Variants in CDON observed in about 807,000 individuals in gnomAD.
CDON encodes cell adhesion molecule-related/down-regulated by oncogenes.
Under a neutral mutation model 120.9 loss-of-function variants are expected in CDON, and 73 were observed. The observed-to-expected ratio is 0.60, with a 90% CI of 0.50 to 0.73. The LOEUF (loss-of-function observed/expected upper bound fraction) is 0.73. Ranked by LOEUF, CDON falls within the 30% of genes least tolerant of loss-of-function variation. The probability of loss-of-function intolerance (pLI) is 0.00; values close to 1 mark genes in which losing one functional copy is unlikely to be tolerated. For synonymous variants in CDON, 566 were observed against 573.5 expected (o/e 0.99, Z 0.19); for missense variants, 1,470 against 1,587.3 (o/e 0.93, Z 1.26).
chr11:126,056,310 TCAACGCTCC>T, intron 1 of CDON, among the ~76,000 whole-genome samples: 1 of 152,350 alleles, frequency 6.6e-6, no homozygotes, highest in Non-Finnish European at 1.5e-5. Flanking sequence ...TATCACTATT[TCAACGCTCC>T]CAACCCCCAA....
In CDON at chr11:125,977,360, G is replaced by A. The variant is rs576082741; in HGVS notation, c.3356+944C>T. ...GGAACAACGTATTTTTAATTTGATG[G>A]TTGGCCTGATCCTTCTTCAAGTTCT... On this transcript the variant is annotated intron_variant, in intron 18 of 19. Coordinates refer to ENST00000531738, the MANE Select transcript of CDON (RefSeq NM_001378964.1). Among the ~76,000 whole-genome samples the A allele has an allele frequency of 3.3e-5, 5 of 152,300 alleles. No individual in the cohort carries two copies. In the East Asian group the frequency reaches 9.6e-4, roughly 29 times the overall value.
In CDON at chr11:126,029,342, C is replaced by T. The variant is rs373711802; in HGVS notation, c.-61-5805G>A. Among the ~76,000 whole-genome samples, 5 of 152,124 alleles carry T rather than the reference C, an allele frequency of 3.3e-5. No homozygotes were observed. In the South Asian group the frequency reaches 6.2e-4, roughly 19 times the overall value. ...AAAAAACAACGTGGACACAAAATCT[C>T]GCTTTTTACCCATAATCTATTATAT... is the stretch of plus-strand genomic sequence containing the variant. On this transcript the variant is annotated intron_variant, in intron 1 of 19. Coordinates refer to ENST00000531738, the MANE Select transcript of CDON (RefSeq NM_001378964.1).
At position 126,043,692 on chromosome 11, in the gene CDON, C is replaced by T. The variant is rs138539594; in HGVS notation, c.-62+18887G>A. ...GGGCAACCCCAGGCCTAAGCCTTCC[C>T]GCGCCATACACAGCTTCCTAAGCAA... On this transcript the variant is annotated intron_variant, in intron 1 of 19. Transcript: ENST00000531738. 9.8e-5 allele frequency among the ~76,000 whole-genome samples: 15 copies of T among 152,310 alleles called. No individual in the cohort carries two copies. The East Asian group carries it at 1.5e-3, about 16-fold the overall frequency.
chr11:126,013,975 C>T (rs1326765991), intron 7 of CDON, among the ~76,000 whole-genome samples: 2 of 152,028 alleles, frequency 1.3e-5, no homozygotes, highest in Admixed American at 1.3e-4. Context: ...CATTATCATC[C>T]AGTTCAAAGT....
intron 7 of CDON, among the ~76,000 whole-genome samples, chr11:126,013,944 A>G (rs1316506734): frequency 6.6e-6 from 1 of 152,124 alleles, no homozygotes; most frequent in East Asian, 1.9e-4. Flanking sequence ...TGTCTCTTAC[A>G]AAACTGATCT....
intron 1 of CDON, among the ~76,000 whole-genome samples, chr11:126,056,708 C>T (rs1338926476): frequency 6.6e-6 from 1 of 152,158 alleles, no homozygotes; most frequent in East Asian, 1.9e-4. Context: ...AGAATTTCAA[C>T]AATACAAACA....
chr11:126,037,575 T>C (rs1037614716), intron 1 of CDON, among the ~76,000 whole-genome samples: 2 of 152,208 alleles, frequency 1.3e-5, no homozygotes, highest in Non-Finnish European at 2.9e-5. Context: ...AACAGAGACC[T>C]TGACCTCATT....
intron 9 of CDON, 61 bp from the exon 10 acceptor site, chr11:126,004,137 G>T: frequency 2.6e-6 from 4 of 1,521,162 alleles, no homozygotes; most frequent in South Asian, 1.2e-5. Context: ...GAAATCTTTC[G>T]GTCACATTTG....
intron 7 of CDON, among the ~76,000 whole-genome samples, chr11:126,011,244 G>A (rs573162879): frequency 6.3e-4 from 96 of 152,202 alleles, no homozygotes; most frequent in African/African-American, 2.3e-3. Context: ...AATTAAAGTG[G>A]CACCAAATCT....
chr11:126,037,986 G>A (rs1948147465), intron 1 of CDON, among the ~76,000 whole-genome samples: 1 of 152,072 alleles, frequency 6.6e-6, no homozygotes, highest in African/African-American at 2.4e-5. Flanking sequence ...AAGAGGAAAG[G>A]GGGAAAAAAC....
intron 1 of CDON, among the ~76,000 whole-genome samples, chr11:126,061,100 T>C (rs1948783886): frequency 6.6e-6 from 1 of 152,230 alleles, no homozygotes. Flanking sequence ...AAGACAGATT[T>C]CCCAAACACT....
At chr11:125,999,367 C>T (rs1279274362) in intron 11 of CDON, among the ~76,000 whole-genome samples, 1 of 152,160 alleles carries the variant, frequency 6.6e-6, no homozygotes, top group Admixed American at 6.5e-5. Context: ...AAAAGAAAGA[C>T]GGCACTGGAG....
Position 125,960,727 on chromosome 11 carries a change from G to A in CDON, c.*215C>T, listed in dbSNP as rs879027869. On this transcript the variant is annotated 3_prime_UTR_variant, in exon 20 of 20. Transcript: ENST00000531738. ...ATGCAAAACAAGGTTGTTTCCTACC[G>A]AGGGGGAGGAAGGAATGGGGAAGAA... 120 of 575,788 alleles carry A rather than the reference G, an allele frequency of 2.1e-4. No homozygotes were observed. The highest frequency in any genetic ancestry group is 5.0e-4 in the South Asian group (25 of 50,096). 35.7% of individuals were successfully genotyped at this position (575,788 alleles called of 1,614,324 possible). A position where few individuals can be genotyped will look rare whatever the true frequency, so the allele number is the denominator to read the frequency against.
At position 125,981,238 on chromosome 11, in the gene CDON, A is replaced by G; in HGVS notation, c.3087T>C (p.Asn1029=). 2 of 1,614,138 alleles carry G rather than the reference A, an allele frequency of 1.2e-6. No homozygotes were observed. The highest frequency in any genetic ancestry group is 1.7e-6 in the Non-Finnish European group (2 of 1,180,034). ...TTAGGAAGCCTCCGTGAACATTTCC[A>G]TTTATCTGACTTGCTCCTGAGAGAG... ...YTTLSGASQI[N]GNVHGGFLTN... The change falls in exon 17 of 20, where the codon AAT becomes AAC. Residue 1029 remains asparagine (N), a synonymous_variant. Coordinates refer to ENST00000531738, the MANE Select transcript of CDON (RefSeq NM_001378964.1).
intron 1 of CDON, among the ~76,000 whole-genome samples, chr11:126,053,874 T>C (rs1450197098): frequency 6.6e-6 from 1 of 151,858 alleles, no homozygotes; most frequent in Non-Finnish European, 1.5e-5. Context: ...CTGCCTGTTA[T>C]TCACTGTGTT....
chr11:126,005,549 A>G (rs1947095321), intron 9 of CDON: 1 of 599,440 alleles, frequency 1.7e-6, no homozygotes, highest in South Asian at 2.0e-5. Context: ...GGTTCCTAGA[A>G]TTCCAATTTG....
rs559554534 is a variant in CDON, at chr11:126,026,906, CTATT to C, written c.-61-3373_-61-3370del. 6.3e-4 allele frequency among the ~76,000 whole-genome samples: 96 copies of C among 152,280 alleles called. 1 individual carries two copies. The highest frequency in any genetic ancestry group is 3.4e-3 in the Admixed American group (52 of 15,288). ...TTCTTCCTTTTGCCAAATCTTTCAG[CTATT>C]TATTTATTAAAAAGCAGTGAAACAA... is the stretch of plus-strand genomic sequence containing the variant. On this transcript the variant is annotated intron_variant, in intron 1 of 19. Coordinates refer to ENST00000531738, the MANE Select transcript of CDON (RefSeq NM_001378964.1).
chr11:125,958,293 C>A lies in CDON; in HGVS notation c.*2649G>T, dbSNP rs568037791. The A allele has an allele frequency of 3.9e-5, 6 of 152,304 alleles. No homozygotes were observed. In the South Asian group the frequency reaches 1.2e-3, roughly 32 times the overall value. 9.4% of individuals were successfully genotyped at this position (152,304 alleles called of 1,614,324 possible). On this transcript the variant is annotated 3_prime_UTR_variant, in exon 20 of 20. Transcript: ENST00000531738. ...GTTCGGATTCAGGTCCCATGGCTCA[C>A]TGAGTGACTTGGGGATTTTAATGCC...
chr11:125,986,487 T>A (rs906698451), intron 15 of CDON, among the ~76,000 whole-genome samples: 18 of 152,140 alleles, frequency 1.2e-4, no homozygotes, highest in Non-Finnish European at 1.9e-4. Flanking sequence ...TCTACTTGGC[T>A]GGGTGCAGTG....
Sources: allele counts gnomAD v4.1 joint callset (sites outside exome capture counted in the v4.1 genomes callset), GRCh38; gene constraint gnomAD v4.1.1; transcripts MANE v1.5; gene names NCBI Gene and HGNC (gene_info 2026-07-23, HGNC 2026-07-21).